Variants in CLCNKB observed in about 807,000 individuals in gnomAD.
CLCNKB encodes chloride channel protein ClC-Kb.
Under a neutral mutation model 83.8 loss-of-function variants are expected in CLCNKB, and 74 were observed. The ratio of observed to expected loss-of-function variants is 0.88; its 90% CI spans 0.73 to 1.07. The LOEUF is 1.07. Among genes scored for constraint, CLCNKB ranks in the 50% least tolerant of loss-of-function variants. CLCNKB has a pLI of 0.00. For missense variants in CLCNKB, 798 were observed against 893.6 expected, an observed-to-expected ratio of 0.89 and a Z score of 1.36; for synonymous variants, 358 against 356.6, an observed-to-expected ratio of 1.00 and a Z score of -0.04.
intron 16 of CLCNKB, among the ~76,000 whole-genome samples, chr1:16,054,811 C>T (rs1354338179): frequency 6.6e-6 from 1 of 152,122 alleles, no homozygotes; most frequent in Non-Finnish European, 1.5e-5. Flanking sequence ...GGCTGTGGGA[C>T]CCCACTGCTC....
intron 10 of CLCNKB, among the ~76,000 whole-genome samples, 170 bp from the exon 11 acceptor site, chr1:16,050,346 A>G (rs962637751): frequency 5.9e-5 from 9 of 152,014 alleles, no homozygotes; most frequent in Non-Finnish European, 1.3e-4. Context: ...CCCTAAAAAT[A>G]CCCAGGAGTG....
chr1:16,053,531 C>G (rs1255370395), intron 15 of CLCNKB, 108 bp from the exon 16 acceptor site: 3 of 1,530,478 alleles, frequency 2.0e-6, no homozygotes, highest in Non-Finnish European at 2.7e-6. Context: ...TGCCCACACT[C>G]CAGAGCCGTG....
intron 18 of CLCNKB, 110 bp downstream of exon 18, chr1:16,055,868 T>C: frequency 1.1e-6 from 1 of 951,070 alleles, no homozygotes; most frequent in Non-Finnish European, 1.7e-6. Context: ...GCCCGTCTTA[T>C]GCTGCTTCCT....
chr1:16,048,900 G>A lies in CLCNKB; in HGVS notation c.656-220G>A, dbSNP rs1444282817. 1.7e-5 allele frequency: 24 copies of A among 1,447,400 alleles called. 1 individual carries two copies. Among genetic ancestry groups the A allele is most frequent in the African/African-American group, 4.3e-5 (3 of 69,922 alleles). The allele number at this position is 1,447,400 out of a possible 1,614,324, so 89.7% of individuals were successfully genotyped here. A position where few individuals can be genotyped will look rare whatever the true frequency, so the allele number is the denominator to read the frequency against. Reference sequence around the variant, plus strand: ...AGATCGCAACCGTCCCCACCCGATAGCGAGAGGGCGCACACCCGCATTCCA... The same window carrying A: ...AGATCGCAACCGTCCCCACCCGATAACGAGAGGGCGCACACCCGCATTCCA... On this transcript the variant is annotated intron_variant, in intron 7 of 19. Transcript: ENST00000375679.
At chr1:16,048,073 C>T (rs1173411775) in intron 5 of CLCNKB, 29 bp downstream of exon 5, 1 of 1,602,816 alleles carries the variant, frequency 6.2e-7, no homozygotes, top group Admixed American at 1.7e-5. Context: ...GCATCCCAAC[C>T]ACCCTACCCA....
intron 1 of CLCNKB, 130 bp from the exon 2 acceptor site, chr1:16,044,356 T>TACACACACACAC (rs1553127093): frequency 0.045 from 16,668 of 371,408 alleles, 62 homozygotes; most frequent in East Asian, 0.094. Flanking sequence ...TAACTTCACA[T>TACACACACACAC]ACACACACAC....
chr1:16,056,721 C>G, intron 19 of CLCNKB, 148 bp from the exon 20 acceptor site: 1 of 914,234 alleles, frequency 1.1e-6, no homozygotes. Context: ...CTGCCCCTCT[C>G]GGCCTCAGTG....
chr1:16,047,391 G>T (rs1267453838), intron 4 of CLCNKB, among the ~76,000 whole-genome samples: 5 of 152,120 alleles, frequency 3.3e-5, no homozygotes. Context: ...CCTGCACTGA[G>T]CAGTGTTTGC....
rs558675724 is a variant in CLCNKB, at chr1:16,051,637, G to A, written c.1298-73G>A. On this transcript the variant is annotated intron_variant, in intron 13 of 19. Transcript: ENST00000375679. The stretch of plus-strand genomic sequence containing the variant: ...TTCACCCTCCCCAGGTTGTACTGAG[G>A]ACGGTCCTCAGGGATGGAGGGCTGT... 819 of 1,605,482 alleles carry A rather than the reference G, an allele frequency of 5.1e-4. 2 individuals carry two copies. The highest frequency in any genetic ancestry group is 6.3e-4 in the Non-Finnish European group (737 of 1,172,204).
chr1:16,046,762 C>T (rs1395809050), intron 4 of CLCNKB, 99 bp downstream of exon 4: 8 of 1,479,982 alleles, frequency 5.4e-6, no homozygotes, highest in Non-Finnish European at 7.5e-6. Context: ...AGACAAAGGC[C>T]CAGGAAGAGT....
chr1:16,048,772 C>T, intron 7 of CLCNKB, 190 bp downstream of exon 7: 7 of 1,465,376 alleles, frequency 4.8e-6, no homozygotes, highest in Non-Finnish European at 6.3e-6. Flanking sequence ...ATTGGCGGTG[C>T]TAAGAGGCTT....
At chr1:16,049,374 C>G (rs2023208587) in intron 8 of CLCNKB, 129 bp downstream of exon 8, 1 of 1,531,544 alleles carries the variant, frequency 6.5e-7, no homozygotes, top group Non-Finnish European at 8.8e-7. Context: ...CTTCCTTGTT[C>G]CCACCTCCTT....
chr1:16,051,687 C>A, intron 13 of CLCNKB, 23 bp from the exon 14 acceptor site: 1 of 1,610,046 alleles, frequency 6.2e-7, no homozygotes, highest in Non-Finnish European at 8.5e-7. Flanking sequence ...CCTGGCTCCC[C>A]CTCACCCTAA....
intron 2 of CLCNKB, 119 bp from the exon 3 acceptor site, chr1:16,045,439 A>G: frequency 7.9e-7 from 1 of 1,267,628 alleles, no homozygotes; most frequent in Admixed American, 1.9e-5. Flanking sequence ...CCCAGAGTAT[A>G]CCACCAAGCT....
chr1:16,044,117 A>T (rs2023013545), intron 1 of CLCNKB, among the ~76,000 whole-genome samples: 1 of 152,056 alleles, frequency 6.6e-6, no homozygotes, highest in African/African-American at 2.4e-5. Context: ...CCCTGGGCAG[A>T]GACTGCTCCC....
chr1:16,055,420 C>T lies in CLCNKB; in HGVS notation c.1757-15C>T. The stretch of plus-strand genomic sequence containing the variant: ...TCCTAATGTGCCTCCCTCTGGCTGT[C>T]TCTCCACTTGCCAGAGTCCCAGATC... On this transcript the variant is annotated splice_polypyrimidine_tract_variant and intron_variant, in intron 16 of 19. Transcript: ENST00000375679. 15 of 1,609,450 alleles carry T rather than the reference C, an allele frequency of 9.3e-6. No homozygotes were observed. The highest frequency in any genetic ancestry group is 1.3e-5 in the Non-Finnish European group (15 of 1,176,146).
chr1:16,052,444 G>A (rs756606799), intron 15 of CLCNKB, 33 bp downstream of exon 15: 37 of 1,612,680 alleles, frequency 2.3e-5, no homozygotes, highest in Middle Eastern at 3.3e-4. Context: ...TGACTGAAGG[G>A]GGTCACAGTG....
rs115747545 is a variant in CLCNKB, at chr1:16,054,412, G to A, written c.1756+640G>A. Among the ~76,000 whole-genome samples the A allele has an allele frequency of 6.0e-3, 911 of 152,282 alleles. 7 individuals are homozygous for A. Among genetic ancestry groups the A allele is most frequent in the Middle Eastern group, 0.027 (8 of 292 alleles). Reference sequence around the variant, plus strand: ...CTTGCACTTTGGGCAGGCACCTTGTGCAGTGAGCAACCTGTACAACCATAT... The same window carrying A: ...CTTGCACTTTGGGCAGGCACCTTGTACAGTGAGCAACCTGTACAACCATAT... On this transcript the variant is annotated intron_variant, in intron 16 of 19. Coordinates refer to ENST00000375679, the MANE Select transcript of CLCNKB (RefSeq NM_000085.5).
At chr1:16,045,406 AG>A in intron 2 of CLCNKB, 151 bp from the exon 3 acceptor site, 2 of 868,086 alleles carry the variant, frequency 2.3e-6, no homozygotes, top group Non-Finnish European at 3.6e-6. Flanking sequence ...CACTTATGTG[AG>A]GCAGGGCCCC....
Sources: gnomAD v4.1 joint callset for allele counts (sites outside exome capture counted in the v4.1 genomes callset) on GRCh38, gnomAD v4.1.1 for gene constraint, MANE v1.5 for transcripts, NCBI Gene and HGNC (gene_info 2026-07-23, HGNC 2026-07-21) for gene names.